Variants in UGGT2 observed in about 807,000 individuals in gnomAD.
The protein encoded by UGGT2 is UDP-glucose:glycoprotein glucosyltransferase 2.
A neutral mutation model predicts 192.1 loss-of-function variants in UGGT2; 180 were observed. The observed-to-expected ratio is 0.94, with a 90% CI of 0.83 to 1.06. The LOEUF is 1.06. UGGT2 is among the 50% of genes least tolerant of loss of function. The pLI, the probability that UGGT2 is intolerant of heterozygous loss-of-function variation, is 0.00. For synonymous variants in UGGT2, 580 were observed against 591.0 expected (o/e 0.98, Z 0.27); for missense variants, 1,849 against 1,795.7 (o/e 1.03, Z -0.54).
intron 14 of UGGT2, among the ~76,000 whole-genome samples, chr13:95,947,456 TTTTA>T (rs1453634164): frequency 8.2e-6 from 1 of 122,484 alleles, no homozygotes; most frequent in Non-Finnish European, 1.8e-5. Context: ...CTCTTTTTAT[TTTTA>T]TTTTTTTTGA....
At chr13:95,904,851 G>T (rs1334159115) in intron 20 of UGGT2, among the ~76,000 whole-genome samples, 1 of 151,306 alleles carries the variant, frequency 6.6e-6, no homozygotes, top group Non-Finnish European at 1.5e-5. Flanking sequence ...TCTAGTTCTA[G>T]ATCCCTGAGG....
At chr13:95,809,353 C>T (rs925931932) in intron 38 of UGGT2, 2 of 435,306 alleles carry the variant, frequency 4.6e-6, no homozygotes, top group Non-Finnish European at 9.1e-6. Context: ...AGGCTGAACT[C>T]TCCACGGTTT....
At chr13:95,856,096 T>C in intron 34 of UGGT2, 62 bp downstream of exon 34, 1 of 1,314,156 alleles carries the variant, frequency 7.6e-7, no homozygotes, top group African/African-American at 1.5e-5. Flanking sequence ...TTAATCTCTA[T>C]ATTAAGATAG....
intron 38 of UGGT2, among the ~76,000 whole-genome samples, chr13:95,810,038 C>A (rs1239817952): frequency 6.6e-6 from 1 of 152,144 alleles, no homozygotes; most frequent in Non-Finnish European, 1.5e-5. Flanking sequence ...ATTTTCATTT[C>A]TTTTTTCAAT....
At chr13:95,850,427 TG>T (rs923192823) in intron 36 of UGGT2, among the ~76,000 whole-genome samples, 4 of 152,190 alleles carry the variant, frequency 2.6e-5, no homozygotes, top group Non-Finnish European at 5.9e-5. Context: ...GGATACTTCA[TG>T]TTAAACAGCC....
chr13:95,965,591 G>T (rs1481022471), intron 12 of UGGT2, among the ~76,000 whole-genome samples: 2 of 128,986 alleles, frequency 1.6e-5, no homozygotes, highest in East Asian at 5.1e-4. Flanking sequence ...GGGGTCTGTT[G>T]TGGGGTGGGG....
chr13:95,941,687 CCT>C (rs2049685472), intron 15 of UGGT2, among the ~76,000 whole-genome samples: 2 of 152,182 alleles, frequency 1.3e-5, no homozygotes. Flanking sequence ...TCAACTCAAT[CCT>C]CTTACACATT....
intron 30 of UGGT2, among the ~76,000 whole-genome samples, chr13:95,865,079 T>A (rs557304724): frequency 3.8e-4 from 58 of 152,210 alleles, no homozygotes; most frequent in Admixed American, 7.2e-4. Context: ...CTTTTCCTTC[T>A]TAGTAGCTAT....
At chr13:95,865,366 C>G (rs1220579827) in intron 30 of UGGT2, among the ~76,000 whole-genome samples, 3 of 152,082 alleles carry the variant, frequency 2.0e-5, no homozygotes, top group African/African-American at 7.2e-5. Context: ...TGAAGGCGGC[C>G]GAGCATGGTG....
In UGGT2 at chr13:95,853,564, G is replaced by C. The variant is rs1393426917; in HGVS notation, c.4263C>G (p.Asn1421Lys). 3 of 1,612,672 alleles carry C rather than the reference G, an allele frequency of 1.9e-6. No individual in the cohort carries two copies. The African/African-American group carries it at 4.0e-5, about 22-fold the overall frequency. ...TTACCTGATCTAGGTTTGAAAGACT[G>C]TTTGGATCTTGACTGAGAGCTTGAT... ...SQYQALSQDP[N>K]SLSNLDQDLP... Residue 1421 changes from asparagine to lysine, a missense_variant, in exon 36 of 39, where the codon AAC (asparagine) becomes AAG (lysine). Physicochemically the swap from Asn to Lys is moderately conservative, Grantham distance 94. Coordinates refer to ENST00000376747, the MANE Select transcript of UGGT2 (RefSeq NM_020121.4).
intron 22 of UGGT2, among the ~76,000 whole-genome samples, chr13:95,899,583 C>T (rs754362994): frequency 5.4e-4 from 82 of 151,846 alleles, no homozygotes; most frequent in Non-Finnish European, 9.4e-4. Context: ...ATCAAAATGA[C>T]AAGACATAGG....
intron 2 of UGGT2, among the ~76,000 whole-genome samples, chr13:96,029,293 A>AT (rs1166103372): frequency 4.9e-4 from 75 of 151,684 alleles, no homozygotes; most frequent in African/African-American, 1.6e-3. Context: ...TTATTTATTT[A>AT]TTTATTTTTT....
At chr13:96,018,513 C>CT (rs983123429) in intron 4 of UGGT2, among the ~76,000 whole-genome samples, 2 of 151,858 alleles carry the variant, frequency 1.3e-5, no homozygotes, top group Non-Finnish European at 2.9e-5. Context: ...GAGACCTTGT[C>CT]TCAAAAAAAT....
intron 4 of UGGT2, among the ~76,000 whole-genome samples, chr13:96,019,574 T>C (rs946795550): frequency 6.6e-6 from 1 of 152,058 alleles, no homozygotes; most frequent in Admixed American, 6.6e-5. Context: ...TATTCACACT[T>C]ATCAGGGAAT....
intron 38 of UGGT2, among the ~76,000 whole-genome samples, chr13:95,829,447 A>T (rs982160306): frequency 6.6e-6 from 1 of 152,198 alleles, no homozygotes; most frequent in Non-Finnish European, 1.5e-5. Flanking sequence ...AAATCTCCTT[A>T]AGCTGATAAG....
chr13:95,848,078 T>C (rs1293203034), intron 36 of UGGT2, among the ~76,000 whole-genome samples: 5 of 152,270 alleles, frequency 3.3e-5, no homozygotes, highest in Non-Finnish European at 7.3e-5. Context: ...TCTGCTCATA[T>C]GCTTATATGT....
intron 38 of UGGT2, among the ~76,000 whole-genome samples, chr13:95,806,024 G>A (rs1464302302): frequency 1.7e-5 from 2 of 116,584 alleles, no homozygotes; most frequent in African/African-American, 7.5e-5. Context: ...AGATAAGGGG[G>A]AAAGAGATTA....
At chr13:96,028,035 TA>T (rs2052720279) in intron 2 of UGGT2, among the ~76,000 whole-genome samples, 1 of 152,254 alleles carries the variant, frequency 6.6e-6, no homozygotes, top group Non-Finnish European at 1.5e-5. Flanking sequence ...CAGATTCCCT[TA>T]AACATTGCTG....
At chr13:95,919,792 T>C (rs1306261759) in intron 20 of UGGT2, among the ~76,000 whole-genome samples, 1 of 152,184 alleles carries the variant, frequency 6.6e-6, no homozygotes, top group East Asian at 1.9e-4. Flanking sequence ...AAGTAATTTA[T>C]AGATTCAAAG....
Sources: allele counts gnomAD v4.1 joint callset (sites outside exome capture counted in the v4.1 genomes callset), GRCh38; gene constraint gnomAD v4.1.1; transcripts MANE v1.5; gene names NCBI Gene and HGNC (gene_info 2026-07-23, HGNC 2026-07-21).